ALDH1A2: variants seen among roughly 807,000 people sequenced by gnomAD.
ALDH1A2 encodes the protein retinal dehydrogenase 2.
A neutral mutation model predicts 60.3 loss-of-function variants in ALDH1A2; 27 were observed. The ratio of observed to expected loss-of-function variants is 0.45; its 90% confidence interval spans 0.33 to 0.62. The LOEUF (loss-of-function observed/expected upper bound fraction) is 0.62, where lower values mean the gene tolerates loss of function less well. Among genes scored for constraint, ALDH1A2 ranks in the 20% least tolerant of loss-of-function variants. The pLI is 0.02. For missense variants in ALDH1A2, 581 were observed against 643.8 expected, an observed-to-expected ratio of 0.90 and a Z score of 1.06; for synonymous variants, 289 against 232.4, an observed-to-expected ratio of 1.24 and a Z score of -2.21.
intron 4 of ALDH1A2, among the ~76,000 whole-genome samples, chr15:58,001,650 A>G (rs191555506): frequency 9.2e-5 from 14 of 151,988 alleles, no homozygotes; most frequent in South Asian, 2.1e-4. Flanking sequence ...TATGCTAACA[A>G]TGGTCTCTCA....
At chr15:58,050,663 C>T (rs1437272915) in intron 1 of ALDH1A2, among the ~76,000 whole-genome samples, 1 of 152,118 alleles carries the variant, frequency 6.6e-6, no homozygotes, top group Admixed American at 6.6e-5. Flanking sequence ...ATATTAATTT[C>T]CAGTTTATAA....
chr15:57,994,079 C>T (rs1215972241), intron 5 of ALDH1A2, among the ~76,000 whole-genome samples: 4 of 152,178 alleles, frequency 2.6e-5, no homozygotes. Flanking sequence ...CAGCTCTTGT[C>T]CTGTCAGTGA....
intron 1 of ALDH1A2, among the ~76,000 whole-genome samples, chr15:58,047,805 G>A (rs866008234): frequency 6.6e-6 from 1 of 151,730 alleles, no homozygotes; most frequent in African/African-American, 2.4e-5. Context: ...TTTGCTTCAC[G>A]CCAAAACATC....
chr15:58,059,032 T>C (rs1896961181), intron 1 of ALDH1A2, among the ~76,000 whole-genome samples: 1 of 152,182 alleles, frequency 6.6e-6, no homozygotes, highest in Non-Finnish European at 1.5e-5. Context: ...CAGAGACTTG[T>C]TGTAAATAAA....
At chr15:58,017,906 A>G (rs80051811) in intron 1 of ALDH1A2, among the ~76,000 whole-genome samples, 9,662 of 152,266 alleles carry the variant, frequency 0.063, 344 homozygotes, top group East Asian at 0.13. Context: ...TAATTTTACT[A>G]CATTATTATT....
chr15:57,959,468 G>T (rs1893649845), intron 12 of ALDH1A2, among the ~76,000 whole-genome samples: 4 of 152,200 alleles, frequency 2.6e-5, no homozygotes, highest in African/African-American at 4.8e-5. Flanking sequence ...ACACCAGCTG[G>T]AATTTGGGGA....
intron 1 of ALDH1A2, among the ~76,000 whole-genome samples, chr15:58,022,327 T>C (rs984083505): frequency 6.6e-6 from 1 of 152,096 alleles, no homozygotes; most frequent in Non-Finnish European, 1.5e-5. Flanking sequence ...CACTACCACA[T>C]AAGCTGAAAT....
intron 1 of ALDH1A2, among the ~76,000 whole-genome samples, chr15:58,039,943 A>C (rs1368633660): frequency 6.6e-6 from 1 of 151,902 alleles, no homozygotes; most frequent in Non-Finnish European, 1.5e-5. Context: ...GATATAAAAA[A>C]GTAAATGATA....
rs542165113 is a variant in ALDH1A2 at position 57,972,452 on chromosome 15, T to C, written c.799-6625A>G. On this transcript the variant is annotated intron_variant, in intron 7 of 12. Transcript: ENST00000249750. ...TTTTGATTGTCTTGGTCTGCTTTGA[T>C]AGGAAAAAGCATGGAGTAGTCAAGC... 1.7e-3 allele frequency among the ~76,000 whole-genome samples: 255 copies of C among 152,304 alleles called. 1 individual carries two copies. The highest frequency in any genetic ancestry group is 2.9e-3 in the Non-Finnish European group (196 of 68,010).
At chr15:57,972,223 G>A (rs1384825886) in intron 7 of ALDH1A2, among the ~76,000 whole-genome samples, 1 of 152,166 alleles carries the variant, frequency 6.6e-6, no homozygotes, top group East Asian at 1.9e-4. Context: ...AGCCAGGACT[G>A]GTCTCAGAAT....
At chr15:58,059,566 A>G (rs547664548) in intron 1 of ALDH1A2, among the ~76,000 whole-genome samples, 16 of 152,258 alleles carry the variant, frequency 1.1e-4, no homozygotes, top group Admixed American at 1.0e-3. Flanking sequence ...AATATCTTGT[A>G]TTTTTATCCT....
chr15:57,977,120 T>C (rs1343241289), intron 7 of ALDH1A2, among the ~76,000 whole-genome samples: 1 of 151,990 alleles, frequency 6.6e-6, no homozygotes, highest in African/African-American at 2.4e-5. Flanking sequence ...CTTGTAAACT[T>C]GTTTAAGTTC....
At chr15:58,013,537 C>A (rs1443945290) in intron 3 of ALDH1A2, among the ~76,000 whole-genome samples, 2 of 151,882 alleles carry the variant, frequency 1.3e-5, no homozygotes, top group Non-Finnish European at 2.9e-5. Context: ...TCAAAGTATC[C>A]TTTTAGGAGC....
At chr15:58,002,819 C>A (rs1459846529) in intron 4 of ALDH1A2, among the ~76,000 whole-genome samples, 5 of 151,820 alleles carry the variant, frequency 3.3e-5, no homozygotes, top group African/African-American at 9.7e-5. Context: ...TCTTTGATGA[C>A]CACAGTATTA....
Position 58,025,337 on chromosome 15 carries a change from T to C in ALDH1A2, c.118-11056A>G, listed in dbSNP as rs544772864. ...AATCAAACAAAATCAGAATTGAAAA[T>C]TGAAAACAGAGACATTACAATGGAT... On this transcript the variant is annotated intron_variant, in intron 1 of 12. Coordinates refer to ENST00000249750, the MANE Select transcript of ALDH1A2 (RefSeq NM_003888.4). 4.6e-5 allele frequency among the ~76,000 whole-genome samples: 7 copies of C among 151,880 alleles called. No homozygotes were observed. The East Asian group carries it at 7.8e-4, about 17-fold the overall frequency.
chr15:58,058,038 A>C, intron 1 of ALDH1A2: 1 of 1,521,556 alleles, frequency 6.6e-7, no homozygotes, highest in Non-Finnish European at 8.8e-7. Flanking sequence ...GGGGATTTTA[A>C]CCAAACAGTC....
intron 4 of ALDH1A2, among the ~76,000 whole-genome samples, chr15:58,009,668 A>G (rs993475567): frequency 2.6e-5 from 4 of 151,598 alleles, no homozygotes; most frequent in Admixed American, 2.0e-4. Flanking sequence ...TCCCTTTCCT[A>G]TAAGGATATC....
At chr15:57,966,306 C>G (rs1230839045) in intron 7 of ALDH1A2, among the ~76,000 whole-genome samples, 4 of 152,186 alleles carry the variant, frequency 2.6e-5, no homozygotes, top group African/African-American at 9.7e-5. Flanking sequence ...AATATTACAC[C>G]TTTGCCTCTG....
intron 4 of ALDH1A2, among the ~76,000 whole-genome samples, chr15:58,001,602 C>T (rs1278293729): frequency 6.6e-6 from 1 of 151,920 alleles, no homozygotes; most frequent in African/African-American, 2.4e-5. Context: ...GAGTACTCTT[C>T]TCTGCCTAGA....
Sources: allele counts gnomAD v4.1 joint callset (sites outside exome capture counted in the v4.1 genomes callset), GRCh38; gene constraint gnomAD v4.1.1; transcripts MANE v1.5; gene names NCBI Gene and HGNC (gene_info 2026-07-23, HGNC 2026-07-21).